ERCC8: variants seen among roughly 807,000 people sequenced by gnomAD.
The protein encoded by ERCC8 is ERCC excision repair 8, CSA ubiquitin ligase complex subunit, also known as DNA excision repair protein ERCC-8.
A neutral mutation model predicts 54.9 loss-of-function variants in ERCC8; 52 were observed. That is an observed-to-expected ratio of 0.95 (90% CI 0.76 to 1.19). The LOEUF (loss-of-function observed/expected upper bound fraction) is 1.19, where lower values mean the gene tolerates loss of function less well. ERCC8 is among the 50% of genes most tolerant of loss of function. ERCC8 has a pLI of 0.00. For synonymous variants in ERCC8, 146 were observed against 157.2 expected, an observed-to-expected ratio of 0.93 and a Z score of 0.53; for missense variants, 514 against 466.1, an observed-to-expected ratio of 1.10 and a Z score of -0.95.
At chr5:60,936,239 A>AT (rs551215168) in intron 1 of ERCC8, among the ~76,000 whole-genome samples, 87 of 152,172 alleles carry the variant, frequency 5.7e-4, no homozygotes, top group African/African-American at 2.1e-3. Flanking sequence ...TCCTGGTTTA[A>AT]TCTAGGAGGG....
intron 9 of ERCC8, 64 bp downstream of exon 9, chr5:60,898,212 T>C (rs1186152381): frequency 6.6e-7 from 1 of 1,521,124 alleles, no homozygotes; most frequent in African/African-American, 1.4e-5. Flanking sequence ...TATAAAAAAA[T>C]CAAGTGTATG....
chr5:60,937,665 C>T (rs903388765), intron 1 of ERCC8, among the ~76,000 whole-genome samples: 1 of 152,168 alleles, frequency 6.6e-6, no homozygotes, highest in Non-Finnish European at 1.5e-5. Flanking sequence ...CCTACAACAG[C>T]TCTGAGTTTA....
chr5:60,899,831 G>A, intron 7 of ERCC8, 104 bp from the exon 8 acceptor site: 1 of 813,274 alleles, frequency 1.2e-6, no homozygotes, highest in Non-Finnish European at 2.1e-6. Flanking sequence ...CGTTATATAG[G>A]TACATATGTA....
At chr5:60,906,643 C>T (rs1019212840) in intron 4 of ERCC8, among the ~76,000 whole-genome samples, 11 of 151,938 alleles carry the variant, frequency 7.2e-5, no homozygotes, top group African/African-American at 2.4e-4. Context: ...GCAGGAGAAT[C>T]GCTTGAACCC....
At chr5:60,905,911 A>G (rs1245157853) in intron 4 of ERCC8, among the ~76,000 whole-genome samples, 1 of 151,844 alleles carries the variant, frequency 6.6e-6, no homozygotes, top group African/African-American at 2.4e-5. Context: ...CTTGCTATTG[A>G]TTGGTTGGGG....
intron 11 of ERCC8, among the ~76,000 whole-genome samples, chr5:60,885,308 C>G (rs2112469189): frequency 6.6e-6 from 1 of 152,238 alleles, no homozygotes; most frequent in East Asian, 1.9e-4. Context: ...GCCACCACAC[C>G]TGGCCACATA....
chr5:60,919,054 T>C (rs1749523846), intron 3 of ERCC8, among the ~76,000 whole-genome samples: 1 of 151,994 alleles, frequency 6.6e-6, no homozygotes, highest in Admixed American at 6.6e-5. Flanking sequence ...GGATCTTGAT[T>C]CAAACAAACT....
intron 4 of ERCC8, among the ~76,000 whole-genome samples, chr5:60,916,027 A>G (rs1048062397): frequency 1.3e-5 from 2 of 151,994 alleles, no homozygotes; most frequent in Non-Finnish European, 2.9e-5. Context: ...CAAGTACTGC[A>G]CTGCAATTCT....
At chr5:60,880,756 A>C (rs977645417) in intron 11 of ERCC8, among the ~76,000 whole-genome samples, 1 of 152,104 alleles carries the variant, frequency 6.6e-6, no homozygotes, top group African/African-American at 2.4e-5. Flanking sequence ...TATTCTAGTT[A>C]GCCATTTGTC....
At chr5:60,929,803 T>C (rs537152530) in intron 1 of ERCC8, among the ~76,000 whole-genome samples, 1 of 152,346 alleles carries the variant, frequency 6.6e-6, no homozygotes, top group South Asian at 2.1e-4. Flanking sequence ...TAGTACATTG[T>C]AAGTATCTAG....
intron 1 of ERCC8, among the ~76,000 whole-genome samples, chr5:60,930,484 G>A (rs1749876180): frequency 6.6e-6 from 1 of 151,660 alleles, no homozygotes; most frequent in Admixed American, 6.6e-5. Context: ...TTCAACCTGG[G>A]AGGCGGAGGT....
intron 2 of ERCC8, among the ~76,000 whole-genome samples, chr5:60,926,251 C>T (rs1749747592): frequency 6.6e-6 from 1 of 152,206 alleles, no homozygotes; most frequent in African/African-American, 2.4e-5. Context: ...TGCTATTTAA[C>T]TCTCCAAGAT....
At position 60,868,424 on chromosome 5, in the gene ERCC8, C is replaced by T. The variant is rs1362707306; in HGVS notation, c.*6191G>A. ...AGTGGTCAGTCAAGAGGACATTGGG[C>T]ACCTGAAAAGTCCTACACACAGAGA... On this transcript the variant is annotated 3_prime_UTR_variant, in exon 12 of 12. Coordinates refer to ENST00000676185, the MANE Select transcript of ERCC8 (RefSeq NM_000082.4). Among the ~76,000 whole-genome samples the T allele has an allele frequency of 6.6e-6, 1 of 152,146 alleles. No individual in the cohort carries two copies. The highest frequency in any genetic ancestry group is 6.5e-5 in the Admixed American group (1 of 15,278).
chr5:60,938,048 CATATATATATATATATATATATATAT>C (rs1170248858), intron 1 of ERCC8, among the ~76,000 whole-genome samples: 3 of 23,396 alleles, frequency 1.3e-4, no homozygotes, highest in South Asian at 3.4e-3. Flanking sequence ...TACATACATA[CATATATATATATATATATATATATAT>C]ATATATATAT....
intron 1 of ERCC8, among the ~76,000 whole-genome samples, chr5:60,938,722 A>G (rs1254580058): frequency 6.6e-6 from 1 of 152,224 alleles, no homozygotes; most frequent in Non-Finnish European, 1.5e-5. Context: ...TACAAAAAGT[A>G]TGTACGTTCT....
chr5:60,874,999 A>T (rs912068531), intron 11 of ERCC8, among the ~76,000 whole-genome samples: 7 of 152,042 alleles, frequency 4.6e-5, no homozygotes, highest in African/African-American at 1.7e-4. Flanking sequence ...TTTCTCAACA[A>T]CTCTTTGGAA....
intron 5 of ERCC8, 97 bp from the exon 6 acceptor site, chr5:60,903,813 T>A: frequency 8.2e-7 from 1 of 1,214,924 alleles, no homozygotes; most frequent in Non-Finnish European, 1.2e-6. Flanking sequence ...TTTCACTGTA[T>A]CCATGCAGAA....
intron 9 of ERCC8, among the ~76,000 whole-genome samples, chr5:60,895,710 G>GA (rs1265634939): frequency 1.3e-5 from 2 of 152,102 alleles, no homozygotes; most frequent in African/African-American, 2.4e-5. Context: ...GGGTGACGAA[G>GA]AAAAAATACA....
At chr5:60,930,047 A>C (rs2112533761) in intron 1 of ERCC8, among the ~76,000 whole-genome samples, 1 of 152,362 alleles carries the variant, frequency 6.6e-6, no homozygotes, top group South Asian at 2.1e-4. Flanking sequence ...AGTAATTATA[A>C]GCATTTTGGA....
Sources: allele counts gnomAD v4.1 joint callset (sites outside exome capture counted in the v4.1 genomes callset), GRCh38; gene constraint gnomAD v4.1.1; transcripts MANE v1.5; gene names NCBI Gene and HGNC (gene_info 2026-07-23, HGNC 2026-07-21).